The following GRM5 variants were observed in gnomAD, a reference collection of about 807,000 sequenced individuals.
GRM5 encodes the protein metabotropic glutamate receptor 5.
A neutral mutation model predicts 83.1 loss-of-function variants in GRM5; 19 were observed. The observed-to-expected ratio is 0.23, with a 90% CI of 0.16 to 0.34. The LOEUF (loss-of-function observed/expected upper bound fraction) is 0.34, where lower values mean the gene tolerates loss of function less well. Among genes scored for constraint, GRM5 ranks in the 10% least tolerant of loss-of-function variants. The probability of loss-of-function intolerance (pLI) is 1.00; values close to 1 mark genes in which losing one functional copy is unlikely to be tolerated. For missense variants in GRM5, 1,160 were observed against 1,588.3 expected (o/e 0.73, Z 4.58); for synonymous variants, 675 against 633.6 (o/e 1.07, Z -0.98).
chr11:88,636,781 T>A (rs1939136113), intron 4 of GRM5, among the ~76,000 whole-genome samples: 1 of 152,154 alleles, frequency 6.6e-6, no homozygotes, highest in Admixed American at 6.6e-5. Context: ...GCTAGCCAGT[T>A]TTCCCAGCAC....
intron 3 of GRM5, among the ~76,000 whole-genome samples, chr11:88,666,731 A>G (rs1419116433): frequency 6.8e-6 from 1 of 147,164 alleles, no homozygotes; most frequent in Non-Finnish European, 1.5e-5. Flanking sequence ...AAACTGCTTC[A>G]GATCCTCTCA....
chr11:88,632,098 T>C (rs991179986), intron 4 of GRM5, among the ~76,000 whole-genome samples: 3 of 152,118 alleles, frequency 2.0e-5, no homozygotes, highest in African/African-American at 7.2e-5. Context: ...ATACTTAACA[T>C]ATCCATCACC....
intron 4 of GRM5, among the ~76,000 whole-genome samples, chr11:88,620,056 A>G (rs374152274): frequency 6.6e-6 from 1 of 152,222 alleles, no homozygotes. Flanking sequence ...AGAAGGGCAG[A>G]ACATCCCTCC....
intron 7 of GRM5, among the ~76,000 whole-genome samples, chr11:88,582,058 T>A (rs1454809720): frequency 6.6e-6 from 1 of 152,196 alleles, no homozygotes; most frequent in East Asian, 1.9e-4. Flanking sequence ...ATTTCTTCAT[T>A]TCCTCTCCTC....
intron 1 of GRM5, among the ~76,000 whole-genome samples, chr11:89,053,943 G>T (rs1038060436): frequency 1.3e-5 from 2 of 152,148 alleles, no homozygotes; most frequent in Non-Finnish European, 2.9e-5. Flanking sequence ...CTGTAGAAAA[G>T]TTAAAATGCA....
chr11:89,008,583 T>A (rs1211508065), intron 2 of GRM5, among the ~76,000 whole-genome samples: 1 of 152,140 alleles, frequency 6.6e-6, no homozygotes, highest in African/African-American at 2.4e-5. Flanking sequence ...AGTACTTTTG[T>A]TATAATTGAA....
At chr11:88,779,912 G>A (rs150196475) in intron 3 of GRM5, among the ~76,000 whole-genome samples, 88 of 152,140 alleles carry the variant, frequency 5.8e-4, no homozygotes, top group African/African-American at 2.0e-3. Flanking sequence ...CCTTTTTCCT[G>A]GATTAGTGCC....
chr11:88,792,695 C>T (rs1028134559), intron 3 of GRM5, among the ~76,000 whole-genome samples: 1 of 152,024 alleles, frequency 6.6e-6, no homozygotes, highest in African/African-American at 2.4e-5. Context: ...ACCCAACATA[C>T]TGAGGTATTT....
At chr11:88,624,100 T>G (rs1441444178) in intron 4 of GRM5, among the ~76,000 whole-genome samples, 1 of 152,204 alleles carries the variant, frequency 6.6e-6, no homozygotes, top group East Asian at 1.9e-4. Context: ...TTGATGGGCT[T>G]GTATGAAGGC....
chr11:88,750,494 A>ACTT (rs1942245785), intron 3 of GRM5, among the ~76,000 whole-genome samples: 1 of 152,220 alleles, frequency 6.6e-6, no homozygotes, highest in African/African-American at 2.4e-5. Context: ...ATAATGGGAA[A>ACTT]CTTTAACATT....
intron 3 of GRM5, among the ~76,000 whole-genome samples, chr11:88,706,604 T>C (rs3763964): frequency 0.026 from 3,980 of 152,166 alleles, 95 homozygotes; most frequent in East Asian, 0.13. Flanking sequence ...ATGATAGGTA[T>C]GAACCTGGAT....
intron 3 of GRM5, among the ~76,000 whole-genome samples, chr11:88,700,676 T>G (rs916959889): frequency 2.6e-5 from 4 of 152,172 alleles, no homozygotes; most frequent in African/African-American, 9.7e-5. Context: ...CACCATGGCA[T>G]CCTTTATAAT....
At chr11:88,999,924 T>A (rs1389150958) in intron 2 of GRM5, among the ~76,000 whole-genome samples, 3 of 152,242 alleles carry the variant, frequency 2.0e-5, no homozygotes, top group African/African-American at 7.2e-5. Context: ...AATGATGAGT[T>A]CATGTCCTTT....
chr11:88,714,508 T>TATTA (rs1156401268), intron 3 of GRM5, among the ~76,000 whole-genome samples: 1 of 152,004 alleles, frequency 6.6e-6, no homozygotes, highest in African/African-American at 2.4e-5. Flanking sequence ...CTAAAGCATA[T>TATTA]ATCATAGTTT....
intron 4 of GRM5, among the ~76,000 whole-genome samples, chr11:88,605,469 C>T (rs1016082974): frequency 6.6e-6 from 1 of 151,766 alleles, no homozygotes; most frequent in Non-Finnish European, 1.5e-5. Context: ...CATATGCTCT[C>T]TATAAACTGG....
chr11:88,749,029 G>A (rs1290924634), intron 3 of GRM5, among the ~76,000 whole-genome samples: 2 of 152,136 alleles, frequency 1.3e-5, no homozygotes, highest in African/African-American at 2.4e-5. Flanking sequence ...AAAAGCCAAA[G>A]TACCTCTTCT....
chr11:88,719,335 G>T (rs1029691272), intron 3 of GRM5, among the ~76,000 whole-genome samples: 7 of 151,852 alleles, frequency 4.6e-5, no homozygotes, highest in African/African-American at 7.3e-5. Flanking sequence ...TTCTGTTCCT[G>T]TGTCTGCTGA....
intron 2 of GRM5, among the ~76,000 whole-genome samples, chr11:88,945,296 A>G (rs147931835): frequency 0.034 from 5,154 of 152,174 alleles, 278 homozygotes; most frequent in African/African-American, 0.12. Flanking sequence ...AAGAATAAAT[A>G]TTATTAAAAT....
At chr11:88,634,117 G>GTA (rs773518541) in intron 4 of GRM5, among the ~76,000 whole-genome samples, 240 of 152,214 alleles carry the variant, frequency 1.6e-3, no homozygotes, top group Non-Finnish European at 2.2e-3. Flanking sequence ...TTTTAAAATG[G>GTA]TATACTTCTA....
Sources: gnomAD v4.1 joint callset for allele counts (sites outside exome capture counted in the v4.1 genomes callset) on GRCh38, gnomAD v4.1.1 for gene constraint, MANE v1.5 for transcripts, NCBI Gene and HGNC (gene_info 2026-07-23, HGNC 2026-07-21) for gene names.